Variants in PTPRO observed in about 807,000 individuals in gnomAD.
The protein encoded by PTPRO is receptor-type tyrosine-protein phosphatase O.
Under a neutral mutation model 145.2 loss-of-function variants are expected in PTPRO, and 62 were observed. The observed-to-expected ratio is 0.43, with a 90% confidence interval of 0.35 to 0.53. The LOEUF (loss-of-function observed/expected upper bound fraction) is 0.53, where lower values mean the gene tolerates loss of function less well. PTPRO is among the 20% of genes least tolerant of loss of function. The pLI, the probability that PTPRO is intolerant of heterozygous loss-of-function variation, is 0.01. For synonymous variants in PTPRO, 565 were observed against 514.7 expected, an observed-to-expected ratio of 1.10 and a Z score of -1.32; for missense variants, 1,345 against 1,482.7, an observed-to-expected ratio of 0.91 and a Z score of 1.53.
At chr12:15,514,768 A>G (rs1303930051) in intron 7 of PTPRO, among the ~76,000 whole-genome samples, 2 of 151,068 alleles carry the variant, frequency 1.3e-5, no homozygotes, top group Non-Finnish European at 3.0e-5. Context: ...TTTATTTTTT[A>G]TTTTTGTTTT....
chr12:15,551,455 C>A, intron 14 of PTPRO, 96 bp from the exon 15 acceptor site: 1 of 1,458,424 alleles, frequency 6.9e-7, no homozygotes, highest in Non-Finnish European at 9.5e-7. Context: ...TCATCGTAAG[C>A]TCACTGCCCT....
intron 15 of PTPRO, among the ~76,000 whole-genome samples, chr12:15,556,389 A>G (rs142873930): frequency 1.5e-3 from 231 of 152,262 alleles, no homozygotes; most frequent in African/African-American, 5.3e-3. Flanking sequence ...TATTAAATCC[A>G]TTAATTCCGT....
chr12:15,499,676 T>TAA, intron 4 of PTPRO, 82 bp downstream of exon 4: 1 of 1,455,132 alleles, frequency 6.9e-7, no homozygotes, highest in Non-Finnish European at 9.6e-7. Flanking sequence ...TCCTAAGAAA[T>TAA]ATTCTGATCC....
At chr12:15,533,614 A>G (rs914048043) in intron 12 of PTPRO, among the ~76,000 whole-genome samples, 5 of 152,140 alleles carry the variant, frequency 3.3e-5, no homozygotes, top group African/African-American at 1.2e-4. Flanking sequence ...GTGAAATAAT[A>G]TCTTGCTTTA....
At chr12:15,432,114 G>C (rs1591805926) in intron 1 of PTPRO, among the ~76,000 whole-genome samples, 1 of 152,054 alleles carries the variant, frequency 6.6e-6, no homozygotes, top group African/African-American at 2.4e-5. Context: ...TATAATCCTA[G>C]TACCCATTTG....
chr12:15,522,335 G>A (rs998439340), intron 10 of PTPRO, among the ~76,000 whole-genome samples: 1 of 151,078 alleles, frequency 6.6e-6, no homozygotes, highest in Admixed American at 6.6e-5. Context: ...TGCCATGGTG[G>A]TTTGCTGCAC....
At chr12:15,595,169 T>C (rs766193262) in intron 26 of PTPRO, 112 bp downstream of exon 26, 2 of 739,220 alleles carry the variant, frequency 2.7e-6, no homozygotes, top group Non-Finnish European at 4.7e-6. Flanking sequence ...TGACTTCACA[T>C]GAGTATTTCT....
intron 1 of PTPRO, among the ~76,000 whole-genome samples, chr12:15,412,080 A>G (rs1025213469): frequency 6.6e-6 from 1 of 152,222 alleles, no homozygotes; most frequent in African/African-American, 2.4e-5. Context: ...CAGCGAAATT[A>G]CAAAATGTCC....
At chr12:15,404,861 G>A (rs960511976) in intron 1 of PTPRO, among the ~76,000 whole-genome samples, 3 of 152,130 alleles carry the variant, frequency 2.0e-5, no homozygotes, top group Admixed American at 6.5e-5. Flanking sequence ...AGACTAAGTG[G>A]CAGAAATTGG....
At chr12:15,411,523 T>G (rs1939800432) in intron 1 of PTPRO, among the ~76,000 whole-genome samples, 1 of 152,190 alleles carries the variant, frequency 6.6e-6, no homozygotes, top group South Asian at 2.1e-4. Context: ...AGCAAAGTAG[T>G]GGGTCTGTAA....
At chr12:15,490,622 C>T (rs577821931) in intron 2 of PTPRO, among the ~76,000 whole-genome samples, 4 of 152,150 alleles carry the variant, frequency 2.6e-5, no homozygotes, top group East Asian at 1.9e-4. Flanking sequence ...CTTGATCTGT[C>T]GTATCATTAT....
At chr12:15,509,644 C>CCGAGATCGCA (rs11282616) in intron 7 of PTPRO, among the ~76,000 whole-genome samples, 84,077 of 147,330 alleles carry the variant, frequency 0.57, 25,339 homozygotes, top group Admixed American at 0.66. Flanking sequence ...TTGCAGTGAG[C>CCGAGATCGCA]CCACTGTACT....
chr12:15,545,851 T>C (rs1440653436), intron 12 of PTPRO, among the ~76,000 whole-genome samples: 1 of 151,924 alleles, frequency 6.6e-6, no homozygotes, highest in Non-Finnish European at 1.5e-5. Flanking sequence ...TTGAGCAACA[T>C]GGCAAAACTC....
Position 15,589,450 on chromosome 12 carries a change from T to A in PTPRO, c.3411-5T>A. Reference sequence around the variant, plus strand: ...ATAATATGCCATCGGAACATTCTTTTGCAGTGCTGGCGTGGGACGGACAGG... The same window carrying A: ...ATAATATGCCATCGGAACATTCTTTAGCAGTGCTGGCGTGGGACGGACAGG... On this transcript the variant is annotated splice_polypyrimidine_tract_variant and splice_region_variant and intron_variant, in intron 24 of 26. Transcript: ENST00000281171. 1 of 1,614,004 alleles carries A rather than the reference T, an allele frequency of 6.2e-7. No homozygotes were observed. The highest frequency in any genetic ancestry group is 8.5e-7 in the Non-Finnish European group (1 of 1,179,956).
At chr12:15,426,349 G>A (rs373245529) in intron 1 of PTPRO, among the ~76,000 whole-genome samples, 26 of 151,894 alleles carry the variant, frequency 1.7e-4, no homozygotes, top group African/African-American at 5.8e-4. Flanking sequence ...AGTCATATCC[G>A]TGAAAATTGT....
intron 3 of PTPRO, among the ~76,000 whole-genome samples, chr12:15,498,062 G>A (rs922367822): frequency 1.1e-4 from 17 of 150,520 alleles, no homozygotes; most frequent in African/African-American, 4.2e-4. Flanking sequence ...ACTTGAATAC[G>A]CTCAGGGCAC....
chr12:15,327,976 T>C (rs775429723), intron 1 of PTPRO, among the ~76,000 whole-genome samples: 4 of 152,060 alleles, frequency 2.6e-5, no homozygotes, highest in Non-Finnish European at 4.4e-5. Flanking sequence ...CAGCCAGGTG[T>C]GGTGGCAGGC....
At chr12:15,413,997 C>T (rs1939875220) in intron 1 of PTPRO, among the ~76,000 whole-genome samples, 1 of 152,018 alleles carries the variant, frequency 6.6e-6, no homozygotes, top group Non-Finnish European at 1.5e-5. Context: ...TAAATATTTC[C>T]ATTTCCCTAA....
At chr12:15,488,615 T>C (rs1230451081) in intron 2 of PTPRO, among the ~76,000 whole-genome samples, 1 of 152,216 alleles carries the variant, frequency 6.6e-6, no homozygotes, top group Non-Finnish European at 1.5e-5. Context: ...CAGTCATTTA[T>C]TGTGTGTTAG....
Sources: allele counts gnomAD v4.1 joint callset (sites outside exome capture counted in the v4.1 genomes callset), GRCh38; gene constraint gnomAD v4.1.1; transcripts MANE v1.5; gene names NCBI Gene and HGNC (gene_info 2026-07-23, HGNC 2026-07-21).